The following EXOC3 variants were observed in gnomAD, a reference collection of about 807,000 sequenced individuals.
EXOC3 encodes SEC6-like 1.
EXOC3 carries 21 observed loss-of-function variants against 73.7 expected under a neutral mutation model. The ratio of observed to expected loss-of-function variants is 0.29; its 90% confidence interval spans 0.20 to 0.41. The LOEUF is 0.41. Among genes scored for constraint, EXOC3 ranks in the 10% least tolerant of loss-of-function variants. EXOC3 has a pLI of 1.00. For missense variants in EXOC3, 842 were observed against 985.1 expected (o/e 0.85, Z 1.95); for synonymous variants, 410 against 389.1 (o/e 1.05, Z -0.63).
chr5:453,475 A>C lies in EXOC3; in HGVS notation c.470A>C (p.Tyr157Ser). The C allele has an allele frequency of 6.2e-7, 1 of 1,613,810 alleles. No homozygotes were observed. The highest frequency in any genetic ancestry group is 8.5e-7 in the Non-Finnish European group (1 of 1,179,802). Residue 157 changes from tyrosine to serine, a missense_variant, in exon 4 of 13, where the codon TAC becomes TCC. Transcript: ENST00000512944. ...GAGTGCTCCCGGGACGGGCTGATGT[A>C]CGAGCAGTACCGCATGGACAGTGGG... is the stretch of plus-strand genomic sequence containing the variant. The part of the protein sequence containing the change: ...DLECSRDGLM[Y>S]EQYRMDSGNT...
chr5:459,739 C>T (rs1396373070), intron 7 of EXOC3, among the ~76,000 whole-genome samples: 1 of 152,180 alleles, frequency 6.6e-6, no homozygotes, highest in Non-Finnish European at 1.5e-5. Flanking sequence ...GAGTCAGGCT[C>T]CTCCTGTTGC....
At position 465,168 on chromosome 5, in the gene EXOC3, C is replaced by G; in HGVS notation, c.1834C>G (p.Gln612Glu). 2 of 1,597,284 alleles carry G rather than the reference C, an allele frequency of 1.3e-6. No individual in the cohort carries two copies. Among genetic ancestry groups the G allele is most frequent in the Non-Finnish European group, 1.7e-6 (2 of 1,172,590 alleles). The change falls in exon 11 of 13, where the codon CAG (glutamine) becomes GAG (glutamate). Residue 612 changes from glutamine (Q) to glutamate (E), a missense_variant. By Grantham distance (29) the Gln-to-Glu change is conservative. Coordinates refer to ENST00000512944, the MANE Select transcript of EXOC3 (RefSeq NM_007277.5). Reference sequence around the variant, plus strand: ...GGTGGAGTACCTGCGGGCGGTCATGCAGAAGCGCATTTCCTTCCGGAGCCC... The same window carrying G: ...GGTGGAGTACCTGCGGGCGGTCATGGAGAAGCGCATTTCCTTCCGGAGCCC... ...VVVEYLRAVM[Q>E]KRISFRSPEE...
chr5:464,039 G>A (rs1006982491), intron 9 of EXOC3, among the ~76,000 whole-genome samples: 2 of 152,270 alleles, frequency 1.3e-5, no homozygotes, highest in Admixed American at 6.5e-5. Flanking sequence ...GCAGTGTGAC[G>A]TAGCAAAGAT....
At chr5:465,907 C>G (rs969848362) in intron 12 of EXOC3, 62 bp downstream of exon 12, 2 of 1,540,348 alleles carry the variant, frequency 1.3e-6, no homozygotes, top group African/African-American at 2.7e-5. Context: ...CAGGTCCCTC[C>G]TTCTGTCTGG....
At chr5:455,055 G>A (rs1737770629) in intron 4 of EXOC3, among the ~76,000 whole-genome samples, 1 of 152,168 alleles carries the variant, frequency 6.6e-6, no homozygotes, top group African/African-American at 2.4e-5. Flanking sequence ...GGCGCTCTGT[G>A]CAACTGTGGC....
At chr5:458,558 A>G (rs1336761396) in intron 6 of EXOC3, among the ~76,000 whole-genome samples, 15 of 152,240 alleles carry the variant, frequency 9.9e-5, no homozygotes, top group Admixed American at 9.8e-4. Context: ...GGTTCTAAGT[A>G]TTAGACCGAC....
chr5:462,198 A>G lies in EXOC3; in HGVS notation c.1544A>G (p.Glu515Gly), dbSNP rs1738008409. Residue 515 changes from glutamate to glycine, a missense_variant, in exon 9 of 13, where the codon GAA becomes GGA. Glu to Gly is a moderately conservative substitution (Grantham distance 98). Coordinates refer to ENST00000512944, the MANE Select transcript of EXOC3 (RefSeq NM_007277.5). ...TTAAAAAGAAAGTATTTAAAGAATG[A>G]AGTGGAAGAGGGTGTGTCTCCGAGC... is the stretch of plus-strand genomic sequence containing the variant. ...VSLKRKYLKNEVEEGVSPSQP... is the reference protein window; with the variant it reads ...VSLKRKYLKNGVEEGVSPSQP... The G allele has an allele frequency of 6.2e-7, 1 of 1,613,864 alleles. No individual in the cohort carries two copies. The highest frequency in any genetic ancestry group is 8.5e-7 in the Non-Finnish European group (1 of 1,179,900).
In EXOC3 at chr5:466,866, C is replaced by T. The variant is rs1221009324; in HGVS notation, c.2206C>T (p.Pro736Ser). 1.2e-6 allele frequency: 2 copies of T among 1,611,548 alleles called. No individual in the cohort carries two copies. Among genetic ancestry groups the T allele is most frequent in the Admixed American group, 3.3e-5 (2 of 59,724 alleles). Residue 736 changes from proline to serine, a missense_variant, in exon 13 of 13, where the codon CCC becomes TCC. Physicochemically the swap from Pro to Ser is moderately conservative, Grantham distance 74 (BLOSUM62 -1). Coordinates refer to ENST00000512944, the MANE Select transcript of EXOC3 (RefSeq NM_007277.5). ...YVPLFKDIVVPSLNVAKLLK is the reference protein window; with the variant it reads ...YVPLFKDIVVSSLNVAKLLK The stretch of plus-strand genomic sequence containing the variant: ...GCCCCTCTTCAAGGACATTGTGGTG[C>T]CCAGCCTGAACGTGGCCAAGCTGCT...
At chr5:466,301 TC>T (rs956612695) in intron 12 of EXOC3, 14 of 239,750 alleles carry the variant, frequency 5.8e-5, no homozygotes, top group African/African-American at 2.9e-4. Context: ...CCCACGCACG[TC>T]CCCCCTCCAC....
At chr5:457,694 TA>T in intron 5 of EXOC3, 3 of 541,932 alleles carry the variant, frequency 5.5e-6, no homozygotes, top group Non-Finnish European at 9.9e-6. Context: ...GGGTTCCAGT[TA>T]AACCCCTGCG....
chr5:465,359 G>A (rs1738112138), intron 11 of EXOC3, 87 bp downstream of exon 11: 5 of 1,419,786 alleles, frequency 3.5e-6, no homozygotes, highest in Non-Finnish European at 4.8e-6. Flanking sequence ...GCCAGTAGAT[G>A]GGAGTGTGTC....
At chr5:453,251 AGTT>A in intron 3 of EXOC3, 116 bp from the exon 4 acceptor site, 1 of 679,256 alleles carries the variant, frequency 1.5e-6, no homozygotes, top group Admixed American at 2.9e-5. Flanking sequence ...CTGCCATTGC[AGTT>A]GTTGTTAGCT....
intron 4 of EXOC3, among the ~76,000 whole-genome samples, chr5:454,879 T>TC: frequency 6.6e-6 from 1 of 151,822 alleles, no homozygotes. Context: ...TTTTTTTTTT[T>TC]TTTTTTTTTA....
At chr5:456,746 C>G (rs1737827848) in intron 4 of EXOC3, 143 bp from the exon 5 acceptor site, 1 of 691,914 alleles carries the variant, frequency 1.4e-6, no homozygotes, top group Non-Finnish European at 2.6e-6. Flanking sequence ...CCTGCACTTT[C>G]CCCTGAGCTG....
chr5:448,753 G>T (rs576988474), intron 3 of EXOC3, among the ~76,000 whole-genome samples: 1 of 152,302 alleles, frequency 6.6e-6, no homozygotes, highest in East Asian at 1.9e-4. Flanking sequence ...TGTCCTCTCT[G>T]CCCTCCTCTC....
At position 467,040 on chromosome 5, in the gene EXOC3, G is replaced by C. The variant is rs141623690; in HGVS notation, c.*142G>C. The C allele has an allele frequency of 7.1e-3, 6,178 of 864,940 alleles. 47 individuals carry two copies. Among genetic ancestry groups the C allele is most frequent in the Middle Eastern group, 0.022 (65 of 2,892 alleles). 53.6% of individuals were successfully genotyped at this position (864,940 alleles called of 1,614,324 possible). ...TTTAGGTGCCAGTGTGATGCACCGGGTGTGCGTCGAGTGAGCGTCCCGAGG... is the reference window on the plus strand; with the variant it reads ...TTTAGGTGCCAGTGTGATGCACCGGCTGTGCGTCGAGTGAGCGTCCCGAGG... On this transcript the variant is annotated 3_prime_UTR_variant, in exon 13 of 13. Coordinates refer to ENST00000512944, the MANE Select transcript of EXOC3 (RefSeq NM_007277.5).
At chr5:464,945 G>A in intron 10 of EXOC3, 166 bp from the exon 11 acceptor site, 3 of 713,252 alleles carry the variant, frequency 4.2e-6, no homozygotes, top group Non-Finnish European at 6.8e-6. Context: ...CCCCCACTGA[G>A]CCCCCGCTCC....
rs539346649 is a variant in EXOC3 at position 465,640 on chromosome 5, G to A, written c.1939-78G>A. ...AAGAGGGAGGTTCCCAGTCAGGAAGGGGCTCAGCCAGAATCCAGCTGCTCC... is the reference window on the plus strand; with the variant it reads ...AAGAGGGAGGTTCCCAGTCAGGAAGAGGCTCAGCCAGAATCCAGCTGCTCC... On this transcript the variant is annotated intron_variant, in intron 11 of 12. Transcript: ENST00000512944. 226 of 1,573,698 alleles carry A rather than the reference G, an allele frequency of 1.4e-4. 2 individuals carry two copies. In the South Asian group the frequency reaches 2.4e-3, roughly 17 times the overall value.
At chr5:445,861 A>T (rs552079182) in intron 1 of EXOC3, among the ~76,000 whole-genome samples, 3 of 152,326 alleles carry the variant, frequency 2.0e-5, no homozygotes, top group Non-Finnish European at 2.9e-5. Flanking sequence ...TTTGAGGCTG[A>T]CATCTACATG....
Sources: gnomAD v4.1 joint callset for allele counts (sites outside exome capture counted in the v4.1 genomes callset) on GRCh38, gnomAD v4.1.1 for gene constraint, MANE v1.5 for transcripts, NCBI Gene and HGNC (gene_info 2026-07-23, HGNC 2026-07-21) for gene names.